Variants in CNTN5 observed in about 807,000 individuals in gnomAD.
CNTN5 encodes the protein contactin-5.
In CNTN5, 77 loss-of-function variants were observed where a neutral mutation model predicts 129.1. The ratio of observed to expected loss-of-function variants is 0.60; its 90% CI spans 0.50 to 0.72. The LOEUF (loss-of-function observed/expected upper bound fraction) is 0.72, where lower values mean the gene tolerates loss of function less well. Among genes scored for constraint, CNTN5 ranks in the 30% least tolerant of loss-of-function variants. The pLI is 0.00. For missense variants in CNTN5, 1,478 were observed against 1,328.8 expected, an observed-to-expected ratio of 1.11 and a Z score of -1.75; for synonymous variants, 509 against 465.6, an observed-to-expected ratio of 1.09 and a Z score of -1.20.
At position 99,326,031 on chromosome 11, in the gene CNTN5, C is replaced by T. The variant is rs190023029; in HGVS notation, c.-71+547C>T. Among the ~76,000 whole-genome samples, 263 of 152,268 alleles carry T rather than the reference C, an allele frequency of 1.7e-3. 7 individuals are homozygous for T. Among genetic ancestry groups the T allele is most frequent in the Admixed American group, 0.014 (214 of 15,288 alleles). On this transcript the variant is annotated intron_variant, in intron 2 of 24. Transcript: ENST00000524871. ...TTTTATGCAGTTTGCACAACAGCTCCGCATTCTTACATATTTACGTAACCA... is the reference window on the plus strand; with the variant it reads ...TTTTATGCAGTTTGCACAACAGCTCTGCATTCTTACATATTTACGTAACCA...
At chr11:99,972,228 T>C (rs932313449) in intron 8 of CNTN5, among the ~76,000 whole-genome samples, 5 of 151,680 alleles carry the variant, frequency 3.3e-5, no homozygotes, top group African/African-American at 1.2e-4. Context: ...GCCACTGCAC[T>C]CCAGCCTGGG....
chr11:100,342,117 G>C (rs1167233206), intron 23 of CNTN5, among the ~76,000 whole-genome samples: 2 of 148,588 alleles, frequency 1.3e-5, no homozygotes, highest in African/African-American at 5.1e-5. Context: ...ACACAAACTA[G>C]CATTTGTTAC....
intron 1 of CNTN5, among the ~76,000 whole-genome samples, chr11:99,220,094 G>A (rs1220075920): frequency 6.6e-6 from 1 of 151,870 alleles, no homozygotes; most frequent in Non-Finnish European, 1.5e-5. Context: ...GATCAGCCAC[G>A]TTGCAATTAT....
chr11:99,471,942 A>C (rs1001209031), intron 2 of CNTN5, among the ~76,000 whole-genome samples: 5 of 152,068 alleles, frequency 3.3e-5, no homozygotes, highest in African/African-American at 1.2e-4. Context: ...TATTGAATGA[A>C]TTAAGTTTCT....
chr11:99,264,516 A>G (rs1000242816), intron 1 of CNTN5, among the ~76,000 whole-genome samples: 3 of 152,028 alleles, frequency 2.0e-5, no homozygotes, highest in Non-Finnish European at 4.4e-5. Flanking sequence ...AGCAGGGGAA[A>G]TGCTACATAT....
At chr11:99,672,545 A>G (rs1466417835) in intron 3 of CNTN5, among the ~76,000 whole-genome samples, 1 of 151,320 alleles carries the variant, frequency 6.6e-6, no homozygotes, top group African/African-American at 2.4e-5. Flanking sequence ...CTTACTTACA[A>G]TGTCATACTC....
intron 16 of CNTN5, among the ~76,000 whole-genome samples, chr11:100,248,919 A>G (rs889715720): frequency 7.2e-5 from 11 of 152,192 alleles, no homozygotes; most frequent in Non-Finnish European, 1.3e-4. Context: ...TGAATTTATC[A>G]TAATTGGACA....
chr11:99,065,743 T>C (rs1407293249), intron 1 of CNTN5, among the ~76,000 whole-genome samples: 1 of 141,714 alleles, frequency 7.1e-6, no homozygotes, highest in Non-Finnish European at 1.5e-5. Flanking sequence ...CTCATTAGAG[T>C]TGATTCATGC....
At chr11:99,675,073 C>T (rs1565414728) in intron 3 of CNTN5, among the ~76,000 whole-genome samples, 3 of 152,108 alleles carry the variant, frequency 2.0e-5, no homozygotes, top group Non-Finnish European at 2.9e-5. Context: ...GATGCCTCTT[C>T]AGTGTCCTTT....
At chr11:99,989,504 AATAG>A (rs1178455557) in intron 8 of CNTN5, among the ~76,000 whole-genome samples, 2 of 142,954 alleles carry the variant, frequency 1.4e-5, no homozygotes, top group South Asian at 2.2e-4. Flanking sequence ...TTCTTACACA[AATAG>A]ATAGACACAT....
chr11:99,819,429 T>G, intron 3 of CNTN5, 115 bp from the exon 4 acceptor site: 1 of 796,292 alleles, frequency 1.3e-6, no homozygotes, highest in South Asian at 1.7e-5. Context: ...AATCTGAATT[T>G]GCTTGCAGCT....
At chr11:99,721,183 C>T (rs913281971) in intron 3 of CNTN5, among the ~76,000 whole-genome samples, 3 of 152,046 alleles carry the variant, frequency 2.0e-5, no homozygotes, top group African/African-American at 7.2e-5. Flanking sequence ...TAGCCAACGC[C>T]TTCCTAAGCA....
At chr11:99,115,178 A>G (rs1379384712) in intron 1 of CNTN5, among the ~76,000 whole-genome samples, 1 of 152,092 alleles carries the variant, frequency 6.6e-6, no homozygotes, top group African/African-American at 2.4e-5. Flanking sequence ...TATTTTTGTT[A>G]TAGCACCCTG....
chr11:99,507,174 G>A (rs1344266103), intron 2 of CNTN5, among the ~76,000 whole-genome samples: 1 of 151,794 alleles, frequency 6.6e-6, no homozygotes, highest in Non-Finnish European at 1.5e-5. Context: ...TCAAGAGCTC[G>A]AGACCATCCT....
intron 3 of CNTN5, among the ~76,000 whole-genome samples, chr11:99,777,341 C>G (rs1193213079): frequency 1.3e-5 from 2 of 151,808 alleles, no homozygotes; most frequent in Admixed American, 6.6e-5. Flanking sequence ...AATAAAAGCA[C>G]TGTTCTTCTG....
intron 7 of CNTN5, among the ~76,000 whole-genome samples, chr11:99,932,312 C>T (rs1390757746): frequency 1.3e-5 from 2 of 152,122 alleles, no homozygotes; most frequent in East Asian, 3.9e-4. Flanking sequence ...CCTGCCTCAG[C>T]CTTCTGAGTA....
chr11:99,114,997 AG>A (rs1321562962), intron 1 of CNTN5, among the ~76,000 whole-genome samples: 2 of 152,024 alleles, frequency 1.3e-5, no homozygotes, highest in Non-Finnish European at 2.9e-5. Flanking sequence ...GGCTCAAGAG[AG>A]CTCCCTTCCC....
chr11:99,649,067 A>G (rs551943576), intron 3 of CNTN5, among the ~76,000 whole-genome samples: 1 of 151,832 alleles, frequency 6.6e-6, no homozygotes, highest in South Asian at 2.1e-4. Context: ...TTCCCAATAA[A>G]CAAAAAATGA....
At chr11:99,222,719 G>A (rs11218902) in intron 1 of CNTN5, among the ~76,000 whole-genome samples, 5 of 151,698 alleles carry the variant, frequency 3.3e-5, no homozygotes, top group African/African-American at 1.2e-4. Flanking sequence ...TAATTAATTT[G>A]AATCGTAATG....
Sources: gnomAD v4.1 joint callset for allele counts (sites outside exome capture counted in the v4.1 genomes callset) on GRCh38, gnomAD v4.1.1 for gene constraint, MANE v1.5 for transcripts, NCBI Gene and HGNC (gene_info 2026-07-23, HGNC 2026-07-21) for gene names.